The following CCDC3 variants were observed in gnomAD, a reference collection of about 807,000 sequenced individuals.
The protein encoded by CCDC3 is coiled-coil domain containing 3, also known as coiled-coil domain-containing protein 3.
CCDC3 carries 24 observed loss-of-function variants against 21.4 expected under a neutral mutation model. That is an observed-to-expected ratio of 1.12 (90% CI 0.81 to 1.58). The LOEUF (loss-of-function observed/expected upper bound fraction) is 1.58, where lower values mean the gene tolerates loss of function less well. CCDC3 is among the 40% of genes most tolerant of loss of function. The pLI is 0.00. For synonymous variants in CCDC3, 186 were observed against 166.0 expected, an observed-to-expected ratio of 1.12 and a Z score of -0.93; for missense variants, 425 against 360.9, an observed-to-expected ratio of 1.18 and a Z score of -1.44.
intron 5 of CCDC3, among the ~76,000 whole-genome samples, chr10:13,046,985 G>T (rs1245774675): frequency 6.6e-6 from 1 of 151,276 alleles, no homozygotes; most frequent in East Asian, 1.9e-4. Context: ...CCAGCAATTT[G>T]TCTGGCAACC....
chr10:13,032,609 A>T (rs1488102432), intron 5 of CCDC3, among the ~76,000 whole-genome samples: 3 of 152,188 alleles, frequency 2.0e-5, no homozygotes, highest in Admixed American at 6.5e-5. Context: ...CTCAGCCCAA[A>T]ATCTCCTTAA....
chr10:12,903,764 A>G (rs1834128020), intron 2 of CCDC3, among the ~76,000 whole-genome samples: 1 of 152,266 alleles, frequency 6.6e-6, no homozygotes, highest in South Asian at 2.1e-4. Flanking sequence ...TTTATTTTCG[A>G]AAAGACAAAA....
At chr10:12,909,356 CTGA>C (rs949174701) in intron 2 of CCDC3, among the ~76,000 whole-genome samples, 3 of 152,162 alleles carry the variant, frequency 2.0e-5, no homozygotes, top group African/African-American at 7.2e-5. Context: ...GCAAAAGGAC[CTGA>C]TGATGTTATC....
At chr10:12,925,956 T>C (rs1256446510) in intron 2 of CCDC3, among the ~76,000 whole-genome samples, 5 of 152,240 alleles carry the variant, frequency 3.3e-5, no homozygotes, top group Non-Finnish European at 5.9e-5. Flanking sequence ...TGGGAGGCTT[T>C]ATTGGGCCAC....
intron 2 of CCDC3, among the ~76,000 whole-genome samples, chr10:12,967,561 C>G (rs1353412351): frequency 2.0e-5 from 3 of 151,302 alleles, no homozygotes; most frequent in Non-Finnish European, 4.4e-5. Context: ...CAAAATTGAT[C>G]AAGGAGAAAA....
chr10:12,963,843 A>G (rs758388217), intron 2 of CCDC3, among the ~76,000 whole-genome samples: 3 of 152,044 alleles, frequency 2.0e-5, no homozygotes, highest in South Asian at 2.1e-4. Flanking sequence ...TCAGCCTCCC[A>G]AAGTGCTGGG....
At chr10:12,960,608 C>G (rs749812197) in intron 2 of CCDC3, among the ~76,000 whole-genome samples, 1 of 152,174 alleles carries the variant, frequency 6.6e-6, no homozygotes, top group African/African-American at 2.4e-5. Flanking sequence ...AGCTTTCCCA[C>G]CACAGTGACA....
At chr10:12,898,726 C>G in intron 2 of CCDC3, 47 bp from the exon 3 acceptor site, 3 of 1,598,078 alleles carry the variant, frequency 1.9e-6, no homozygotes, top group Admixed American at 1.7e-5. Context: ...GTCCCAGAAA[C>G]TGCGCTGCGG....
At chr10:13,039,959 G>A (rs1319531863) in intron 5 of CCDC3, among the ~76,000 whole-genome samples, 2 of 151,690 alleles carry the variant, frequency 1.3e-5, no homozygotes, top group Non-Finnish European at 2.9e-5. Context: ...TAGCACCTAG[G>A]TGACCGCTGA....
rs191623989 is a variant in CCDC3, at chr10:13,036,572, C to T, written c.-2+13102G>A. On this transcript the variant is annotated intron_variant, in intron 5 of 6. Coordinates refer to the CCDC3 transcript ENST00000378839. ...CGATCTCCACTCACTGCAACCTCTG[C>T]CTAATGGGTTCAAGCAATTCTCCTG... Among the ~76,000 whole-genome samples the T allele has an allele frequency of 3.7e-3, 570 of 152,268 alleles. 2 individuals carry two copies. Among genetic ancestry groups the T allele is most frequent in the Non-Finnish European group, 6.2e-3 (420 of 68,016 alleles).
At chr10:12,983,170 A>ATATATG (rs1835533050) in intron 2 of CCDC3, among the ~76,000 whole-genome samples, 1 of 140,106 alleles carries the variant, frequency 7.1e-6, no homozygotes, top group Non-Finnish European at 1.5e-5. Context: ...ATATATATAT[A>ATATATG]TATAAAATCT....
Position 12,898,616 on chromosome 10 carries a change from G to A in CCDC3, c.613C>T (p.Gln205Ter). The change falls in exon 3 of 3, where the codon CAG becomes TAG. Residue 205 changes from glutamine (Q) to a stop codon, truncating the protein, a stop_gained. Transcript: ENST00000378825. LOFTEE classifies it high-confidence loss of function. ...CGCTTCTCCAGGGTGGCCACTTTCT[G>A]CTGCAGTTTCTTGACGTGGTCCTCC... ...EEEDHVKKLQ[Q>*]KVATLEKRNR... 6.2e-7 allele frequency: 1 copy of A among 1,614,214 alleles called. No homozygotes were observed. The highest frequency in any genetic ancestry group is 8.5e-7 in the Non-Finnish European group (1 of 1,180,040).
intron 2 of CCDC3, among the ~76,000 whole-genome samples, chr10:12,934,877 C>A (rs1456605669): frequency 6.6e-6 from 1 of 152,098 alleles, no homozygotes; most frequent in Non-Finnish European, 1.5e-5. Context: ...AATCTTCCTA[C>A]CTCGGCCTCC....
At chr10:13,043,035 T>C (rs1487573049) in intron 5 of CCDC3, among the ~76,000 whole-genome samples, 1 of 151,864 alleles carries the variant, frequency 6.6e-6, no homozygotes, top group Non-Finnish European at 1.5e-5. Flanking sequence ...TAATTGCAAA[T>C]ATTGAACATT....
At position 12,998,476 on chromosome 10, in the gene CCDC3, G is replaced by C. The variant is rs1835797404; in HGVS notation, c.411C>G (p.Val137=). The change falls in exon 2 of 3, where the codon GTC becomes GTG. Residue 137 remains valine, a synonymous_variant. Transcript: ENST00000378825. ...DENYNLLPHG[V]NFQDAIFPDT... is the part of the protein sequence containing the mutation. Reference sequence around the variant, plus strand: ...CTGGGAAGATGGCATCTTGGAAATTGACTCCGTGAGGCAAGAGGTTATAAT... The same window carrying C: ...CTGGGAAGATGGCATCTTGGAAATTCACTCCGTGAGGCAAGAGGTTATAAT... 6.2e-7 allele frequency: 1 copy of C among 1,614,112 alleles called. No individual in the cohort carries two copies. Among genetic ancestry groups the C allele is most frequent in the Non-Finnish European group, 8.5e-7 (1 of 1,180,014 alleles).
At chr10:12,975,931 G>T (rs1173661100) in intron 2 of CCDC3, among the ~76,000 whole-genome samples, 2 of 152,182 alleles carry the variant, frequency 1.3e-5, no homozygotes, top group Non-Finnish European at 2.9e-5. Flanking sequence ...CTGGCTCCAA[G>T]ACACACTCTT....
At chr10:12,909,508 G>T (rs7899716) in intron 2 of CCDC3, among the ~76,000 whole-genome samples, 27,866 of 152,170 alleles carry the variant, frequency 0.18, 3,776 homozygotes, top group African/African-American at 0.37. Context: ...CATCAGCTCT[G>T]TAAGCTCCAT....
intron 5 of CCDC3, among the ~76,000 whole-genome samples, chr10:13,011,834 T>C (rs1452560854): frequency 6.6e-6 from 1 of 152,144 alleles, no homozygotes; most frequent in Non-Finnish European, 1.5e-5. Context: ...AGCATGGTAG[T>C]GGCACAAAAA....
At chr10:12,925,237 A>T (rs78562859) in intron 2 of CCDC3, among the ~76,000 whole-genome samples, 1 of 152,098 alleles carries the variant, frequency 6.6e-6, no homozygotes, top group African/African-American at 2.4e-5. Context: ...AGGAATATGA[A>T]GGAGGGGTGC....
Sources: allele counts gnomAD v4.1 joint callset (sites outside exome capture counted in the v4.1 genomes callset), GRCh38; gene constraint gnomAD v4.1.1; transcripts MANE v1.5; gene names NCBI Gene and HGNC (gene_info 2026-07-23, HGNC 2026-07-21).